The following CD55 variants were observed in gnomAD, a reference collection of about 807,000 sequenced individuals.
The protein encoded by CD55 is CD55 molecule (Cromer blood group).
CD55 carries 41 observed loss-of-function variants against 45.8 expected under a neutral mutation model. That is an observed-to-expected ratio of 0.90 (90% CI 0.70 to 1.16). The LOEUF is 1.16. Among genes scored for constraint, CD55 ranks in the 50% most tolerant of loss-of-function variants. CD55 has a pLI of 0.00. For synonymous variants in CD55, 181 were observed against 181.1 expected, an observed-to-expected ratio of 1.00 and a Z score of 0.01; for missense variants, 416 against 469.8, an observed-to-expected ratio of 0.89 and a Z score of 1.06.
chr1:207,356,057 C>G (rs1358173373), intron 9 of CD55, among the ~76,000 whole-genome samples: 4 of 152,124 alleles, frequency 2.6e-5, no homozygotes, highest in Non-Finnish European at 5.9e-5. Flanking sequence ...CACTTCATAA[C>G]CAGTATGTAT....
intron 9 of CD55, among the ~76,000 whole-genome samples, chr1:207,356,197 A>G (rs1055689107): frequency 2.6e-5 from 4 of 152,212 alleles, no homozygotes; most frequent in East Asian, 3.8e-4. Flanking sequence ...TCATTGGACT[A>G]TGGAAAATCA....
Position 207,331,232 on chromosome 1 carries a change from C to T in CD55, c.789C>T (p.His263=). Residue 263 remains histidine (H), a synonymous_variant, in exon 6 of 10, where the codon CAC becomes CAT. Transcript: ENST00000367064. ...CNKGFTMIGE[H]SIYCTVNNDE... The stretch of plus-strand genomic sequence containing the variant: ...AAGGATTCACCATGATTGGAGAGCA[C>T]TCTATTTATTGTACTGTGAATAATG... 1 of 1,613,660 alleles carries T rather than the reference C, an allele frequency of 6.2e-7. No individual in the cohort carries two copies. Among genetic ancestry groups the T allele is most frequent in the Non-Finnish European group, 8.5e-7 (1 of 1,179,686 alleles).
rs1311881636 is a variant in CD55, at chr1:207,330,065, A to G, written c.665-1043A>G. On this transcript the variant is annotated intron_variant, in intron 5 of 9. Transcript: ENST00000367064. ...TCCCACTAGCTTTTAAGACATAGGA[A>G]CTATATCTTGTTCAGCTTTGCGCTT... Among the ~76,000 whole-genome samples the G allele has an allele frequency of 2.0e-5, 3 of 152,286 alleles. No homozygotes were observed. In the East Asian group the frequency reaches 5.8e-4, roughly 29 times the overall value.
At chr1:207,325,754 G>A (rs779417348) in intron 4 of CD55, 33 bp downstream of exon 4, 1 of 1,298,406 alleles carries the variant, frequency 7.7e-7, no homozygotes, top group South Asian at 1.2e-5. Flanking sequence ...CCTGTATTTA[G>A]GAAATGAGAA....
At chr1:207,346,198 T>G (rs1291938460) in intron 9 of CD55, among the ~76,000 whole-genome samples, 10 of 152,164 alleles carry the variant, frequency 6.6e-5, no homozygotes, top group Admixed American at 1.3e-4. Flanking sequence ...GTGCGGTGAT[T>G]GGGTGGATCA....
intron 5 of CD55, among the ~76,000 whole-genome samples, chr1:207,328,479 C>T (rs780940189): frequency 6.6e-6 from 1 of 152,146 alleles, no homozygotes; most frequent in Non-Finnish European, 1.5e-5. Context: ...AGTGTCCATG[C>T]GTGAATATGG....
At chr1:207,336,640 T>C (rs1655182435) in intron 6 of CD55, 53 bp from the exon 7 acceptor site, 1 of 1,601,720 alleles carries the variant, frequency 6.2e-7, no homozygotes, top group Non-Finnish European at 8.5e-7. Flanking sequence ...CTAAGAATGT[T>C]AATGTGGCCA....
chr1:207,325,750 T>G, intron 4 of CD55, 29 bp downstream of exon 4: 1 of 1,338,252 alleles, frequency 7.5e-7, no homozygotes, highest in Non-Finnish European at 1.1e-6. Context: ...AAACCCTGTA[T>G]TTAGGAAATG....
chr1:207,336,874 A>G, intron 7 of CD55, 56 bp downstream of exon 7: 1 of 1,604,610 alleles, frequency 6.2e-7, no homozygotes, highest in Non-Finnish European at 8.5e-7. Flanking sequence ...TTTCAGCTAC[A>G]AGAACCCCAC....
At chr1:207,324,163 T>C (rs1037804086) in intron 2 of CD55, among the ~76,000 whole-genome samples, 6 of 152,206 alleles carry the variant, frequency 3.9e-5, no homozygotes, top group African/African-American at 1.4e-4. Context: ...TTAGCTGCTA[T>C]TATTGTTGTG....
At chr1:207,345,515 T>C (rs1348580112) in intron 9 of CD55, among the ~76,000 whole-genome samples, 1 of 152,290 alleles carries the variant, frequency 6.6e-6, no homozygotes, top group African/African-American at 2.4e-5. Flanking sequence ...AAAGTTTGTA[T>C]CTCACCTCCC....
chr1:207,346,338 G>A (rs1360808840), intron 9 of CD55, among the ~76,000 whole-genome samples: 1 of 152,214 alleles, frequency 6.6e-6, no homozygotes, highest in Non-Finnish European at 1.5e-5. Flanking sequence ...GGTACCTGAT[G>A]GCAGGCTTGT....
intron 5 of CD55, among the ~76,000 whole-genome samples, chr1:207,329,868 T>G (rs1654863222): frequency 6.6e-6 from 1 of 152,140 alleles, no homozygotes; most frequent in East Asian, 1.9e-4. Flanking sequence ...CGCCTCAGCC[T>G]CCCAAAGTTC....
chr1:207,334,006 C>T (rs1236305050), intron 6 of CD55, among the ~76,000 whole-genome samples: 1 of 152,048 alleles, frequency 6.6e-6, no homozygotes, highest in Non-Finnish European at 1.5e-5. Flanking sequence ...GATACTTACT[C>T]AGAATTTTCC....
At chr1:207,321,998 T>A (rs984515899) in intron 1 of CD55, 133 bp downstream of exon 1, 8 of 648,178 alleles carry the variant, frequency 1.2e-5, no homozygotes, top group Middle Eastern at 4.3e-4. Flanking sequence ...CCCGCCGTCC[T>A]GTGCCTTTAA....
chr1:207,321,733 C>G lies in CD55; in HGVS notation c.-33C>G, dbSNP rs556370891. On this transcript the variant is annotated 5_prime_UTR_variant, in exon 1 of 10. Transcript: ENST00000367064. ...GCGTAGCTGCGACTCGGCGGAGTCCCGGCGGCGCGTCCTTGTTCTAACCCG... is the reference window on the plus strand; with the variant it reads ...GCGTAGCTGCGACTCGGCGGAGTCCGGGCGGCGCGTCCTTGTTCTAACCCG... 22 of 1,466,028 alleles carry G rather than the reference C, an allele frequency of 1.5e-5. No homozygotes were observed. The South Asian group carries it at 1.6e-4, about 10-fold the overall frequency. The allele number at this position is 1,466,028 out of a possible 1,614,324, so 90.8% of individuals were successfully genotyped here. A position where few individuals can be genotyped will look rare whatever the true frequency, so the allele number is the denominator to read the frequency against.
intron 9 of CD55, among the ~76,000 whole-genome samples, chr1:207,346,293 C>T (rs1655635448): frequency 6.6e-6 from 1 of 152,138 alleles, no homozygotes; most frequent in African/African-American, 2.4e-5. Flanking sequence ...GAAGAGTGCT[C>T]AGCTGCTATT....
intron 5 of CD55, among the ~76,000 whole-genome samples, chr1:207,328,825 C>T (rs1405167994): frequency 1.3e-5 from 2 of 152,174 alleles, no homozygotes; most frequent in African/African-American, 4.8e-5. Context: ...GTTTATTATT[C>T]CTCCTGTGGA....
At chr1:207,345,006 G>T (rs990826893) in intron 9 of CD55, among the ~76,000 whole-genome samples, 5 of 152,094 alleles carry the variant, frequency 3.3e-5, no homozygotes, top group Non-Finnish European at 7.4e-5. Flanking sequence ...ATGAGCCACC[G>T]CACCGGGCCA....
Sources: gnomAD v4.1 joint callset for allele counts (sites outside exome capture counted in the v4.1 genomes callset) on GRCh38, gnomAD v4.1.1 for gene constraint, MANE v1.5 for transcripts, NCBI Gene and HGNC (gene_info 2026-07-23, HGNC 2026-07-21) for gene names.